Variants in RIMS2 observed in about 807,000 individuals in gnomAD.
The protein encoded by RIMS2 is regulating synaptic membrane exocytosis 2, also known as regulating synaptic membrane exocytosis protein 2.
RIMS2 carries 59 observed loss-of-function variants against 174.4 expected under a neutral mutation model. The observed-to-expected ratio is 0.34, with a 90% confidence interval of 0.27 to 0.42. The LOEUF (loss-of-function observed/expected upper bound fraction) is 0.42, where lower values mean the gene tolerates loss of function less well. Ranked by LOEUF, RIMS2 falls within the 10% of genes least tolerant of loss-of-function variation. The pLI is 1.00. For synonymous variants in RIMS2, 606 were observed against 572.5 expected, an observed-to-expected ratio of 1.06 and a Z score of -0.84; for missense variants, 1,620 against 1,666.3, an observed-to-expected ratio of 0.97 and a Z score of 0.48.
intron 17 of RIMS2, among the ~76,000 whole-genome samples, chr8:103,997,103 A>G (rs1156329427): frequency 2.0e-5 from 3 of 151,866 alleles, no homozygotes; most frequent in Non-Finnish European, 4.4e-5. Flanking sequence ...AAATTACAGT[A>G]AGCTTAAAGC....
rs150041048 is a variant in RIMS2 at position 104,202,068 on chromosome 8, T to C, written c.3335-42848T>C. On this transcript the variant is annotated intron_variant, in intron 19 of 23. Coordinates refer to ENST00000504942, the Ensembl canonical transcript of RIMS2. ...GATCATTGTGGTAGGCCCTGGGAAT[T>C]AGAATAACATCATTATTAAAATAAA... Among the ~76,000 whole-genome samples, 160 of 152,286 alleles carry C rather than the reference T, an allele frequency of 1.1e-3. 1 individual carries two copies. The highest frequency in any genetic ancestry group is 3.8e-3 in the African/African-American group (159 of 41,566).
chr8:103,786,451 A>G (rs531928027), intron 3 of RIMS2, among the ~76,000 whole-genome samples: 3 of 151,792 alleles, frequency 2.0e-5, no homozygotes, highest in Non-Finnish European at 2.9e-5. Context: ...AATGCGTCCC[A>G]GAGATTCTGG....
At chr8:103,771,911 G>A (rs1296241860) in intron 3 of RIMS2, among the ~76,000 whole-genome samples, 3 of 151,974 alleles carry the variant, frequency 2.0e-5, no homozygotes, top group Non-Finnish European at 4.4e-5. Flanking sequence ...CTGCTTAAAT[G>A]ATGACGCTTA....
At chr8:103,621,263 G>A (rs1223277973) in intron 1 of RIMS2, among the ~76,000 whole-genome samples, 10 of 152,194 alleles carry the variant, frequency 6.6e-5, no homozygotes, top group Admixed American at 5.9e-4. Context: ...ACTGAACAAA[G>A]GAGACAGGGT....
At chr8:103,963,144 AT>A (rs1359561290) in intron 15 of RIMS2, among the ~76,000 whole-genome samples, 2 of 152,100 alleles carry the variant, frequency 1.3e-5, no homozygotes, top group African/African-American at 4.8e-5. Context: ...TAGAGAATAA[AT>A]TTTTTAATCA....
At chr8:103,835,194 C>T (rs536092885) in intron 3 of RIMS2, among the ~76,000 whole-genome samples, 4 of 151,360 alleles carry the variant, frequency 2.6e-5, no homozygotes, top group Non-Finnish European at 5.9e-5. Context: ...CTCCACCTCC[C>T]GGGTTCAAGG....
intron 15 of RIMS2, among the ~76,000 whole-genome samples, chr8:103,967,534 C>A (rs2154546922): frequency 6.6e-6 from 1 of 152,042 alleles, no homozygotes; most frequent in African/African-American, 2.4e-5. Flanking sequence ...GCTCTGTCAC[C>A]CAGGCTGGAA....
chr8:103,884,564 T>G (rs941797310), intron 3 of RIMS2, among the ~76,000 whole-genome samples: 4 of 151,848 alleles, frequency 2.6e-5, no homozygotes, highest in Non-Finnish European at 4.4e-5. Flanking sequence ...TAAGGAAATA[T>G]GAGGGGTCAG....
chr8:103,586,088 G>A lies in RIMS2; in HGVS notation c.176+85026G>A, dbSNP rs538132538. The stretch of plus-strand genomic sequence containing the variant: ...TATGCATCAAAAACTGGAGCAACCA[G>A]ATATATAAAGGAAATATTATTAGAG... On this transcript the variant is annotated intron_variant, in intron 1 of 23. Coordinates refer to ENST00000504942, the Ensembl canonical transcript of RIMS2. Among the ~76,000 whole-genome samples the A allele has an allele frequency of 8.5e-4, 130 of 152,236 alleles. 4 individuals are homozygous for A. In the South Asian group the frequency reaches 0.02, roughly 23 times the overall value.
chr8:104,116,596 G>A (rs1160622753), intron 19 of RIMS2, among the ~76,000 whole-genome samples: 1 of 152,092 alleles, frequency 6.6e-6, no homozygotes, highest in Non-Finnish European at 1.5e-5. Flanking sequence ...ATTTACATTT[G>A]TATGAAGTGA....
intron 1 of RIMS2, among the ~76,000 whole-genome samples, chr8:103,549,049 G>T (rs1022991485): frequency 6.6e-6 from 1 of 152,090 alleles, no homozygotes; most frequent in Non-Finnish European, 1.5e-5. Flanking sequence ...AACATTCTGT[G>T]CTGATGGATA....
Position 103,933,288 on chromosome 8 carries a change from G to GACACACACACACACACAC in RIMS2, c.2375+1925_2375+1942dup, listed in dbSNP as rs55909886. 4.7e-4 allele frequency among the ~76,000 whole-genome samples: 56 copies of GACACACACACACACACAC among 119,758 alleles called. 2 individuals are homozygous for GACACACACACACACACAC. The highest frequency in any genetic ancestry group is 1.6e-3 in the African/African-American group (45 of 28,316). 78.6% of individuals were successfully genotyped at this position (119,758 alleles called of 152,430 possible). A position where few individuals can be genotyped will look rare whatever the true frequency, so the allele number is the denominator to read the frequency against. On this transcript the variant is annotated intron_variant, in intron 12 of 23. Coordinates refer to ENST00000504942, the Ensembl canonical transcript of RIMS2. ...AGCCTGGGCAACAGATCGAGACTCT[G>GACACACACACACACACAC]ACACACACACACACACACACACACA...
Position 103,550,774 on chromosome 8 carries a change from T to G in RIMS2, c.176+49712T>G, listed in dbSNP as rs543276378. Among the ~76,000 whole-genome samples, 44 of 152,128 alleles carry G rather than the reference T, an allele frequency of 2.9e-4. 1 individual carries two copies. The highest frequency in any genetic ancestry group is 4.7e-4 in the Non-Finnish European group (32 of 68,022). On this transcript the variant is annotated intron_variant, in intron 1 of 23. Transcript: ENST00000504942. Reference sequence around the variant, plus strand: ...ATACAATAAAAAATGATAAAGGGGTTATTACCACTGATCCCACAGAAATAC... The same window carrying G: ...ATACAATAAAAAATGATAAAGGGGTGATTACCACTGATCCCACAGAAATAC...
chr8:103,960,947 A>T, intron 14 of RIMS2, 118 bp from the exon 17 acceptor site: 1 of 697,610 alleles, frequency 1.4e-6, no homozygotes, highest in South Asian at 1.6e-5. Flanking sequence ...TCTTCTGTAC[A>T]TATTTTTTGT....
chr8:103,800,995 A>AT (rs1231234128), intron 3 of RIMS2, among the ~76,000 whole-genome samples: 2 of 151,368 alleles, frequency 1.3e-5, no homozygotes, highest in Non-Finnish European at 2.9e-5. Flanking sequence ...TATTTATTCT[A>AT]TTTTTTTCTA....
intron 1 of RIMS2, among the ~76,000 whole-genome samples, chr8:103,592,447 A>C (rs575056839): frequency 1.5e-4 from 23 of 151,348 alleles, no homozygotes; most frequent in South Asian, 1.2e-3. Context: ...TTTAGTGTCC[A>C]TGGCATCTTG....
At chr8:104,022,635 C>T (rs965670240) in intron 19 of RIMS2, among the ~76,000 whole-genome samples, 8 of 152,264 alleles carry the variant, frequency 5.3e-5, no homozygotes, top group Non-Finnish European at 1.0e-4. Flanking sequence ...CCCGCCTCGT[C>T]TCGGCCTCCC....
intron 1 of RIMS2, among the ~76,000 whole-genome samples, chr8:103,639,191 C>G (rs561512073): frequency 2.6e-5 from 4 of 151,864 alleles, no homozygotes; most frequent in Non-Finnish European, 5.9e-5. Context: ...AATATCCTTT[C>G]CTAATGTTCT....
chr8:104,033,346 C>T lies in RIMS2; in HGVS notation c.3334+18731C>T, dbSNP rs145138116. ...AAAAATTATTACTGTAAACCTCTCC[C>T]CTTGCTACATTGTGTGATACAGGTT... On this transcript the variant is annotated intron_variant, in intron 19 of 23. Transcript: ENST00000504942. 7.5e-3 allele frequency among the ~76,000 whole-genome samples: 1,133 copies of T among 151,868 alleles called. 20 individuals carry two copies. The highest frequency in any genetic ancestry group is 8.9e-3 in the East Asian group (46 of 5,180).
Sources: gnomAD v4.1 joint callset for allele counts (sites outside exome capture counted in the v4.1 genomes callset) on GRCh38, gnomAD v4.1.1 for gene constraint, MANE v1.5 for transcripts, NCBI Gene and HGNC (gene_info 2026-07-23, HGNC 2026-07-21) for gene names.